The following RAB6B variants were observed in gnomAD, a reference collection of about 807,000 sequenced individuals.
RAB6B encodes the protein ras-related protein Rab-6B.
RAB6B carries 7 observed loss-of-function variants against 31.2 expected under a neutral mutation model. The observed-to-expected ratio is 0.22, with a 90% confidence interval of 0.13 to 0.42. RAB6B has a LOEUF of 0.42. Ranked by LOEUF, RAB6B falls within the 10% of genes least tolerant of loss-of-function variation. RAB6B has a pLI of 1.00. For synonymous variants in RAB6B, 105 were observed against 104.9 expected (o/e 1.00, Z -0.01); for missense variants, 149 against 280.6 (o/e 0.53, Z 3.35).
At chr3:133,890,608 C>G (rs546686828) in intron 1 of RAB6B, among the ~76,000 whole-genome samples, 5 of 152,186 alleles carry the variant, frequency 3.3e-5, no homozygotes, top group African/African-American at 1.2e-4. Flanking sequence ...CAGCAGGTGT[C>G]AGGAATTTGA....
intron 1 of RAB6B, among the ~76,000 whole-genome samples, chr3:133,888,868 C>A (rs1366114952): frequency 6.6e-6 from 1 of 152,080 alleles, no homozygotes; most frequent in Non-Finnish European, 1.5e-5. Flanking sequence ...GCTTCCAGTC[C>A]CCAGGCCCTG....
chr3:133,888,112 C>T lies in RAB6B; in HGVS notation c.70+7285G>A, dbSNP rs145987282. Among the ~76,000 whole-genome samples the T allele has an allele frequency of 1.4e-3, 209 of 152,344 alleles. 2 individuals carry two copies. Among genetic ancestry groups the T allele is most frequent in the Non-Finnish European group, 2.7e-3 (184 of 68,026 alleles). ...AGAAGACCTCAGTGTTCTTCTGTCT[C>T]CTCCGCTCCAGTCCTAGGCCAGAAG... is the stretch of plus-strand genomic sequence containing the variant. On this transcript the variant is annotated intron_variant, in intron 1 of 7. Coordinates refer to ENST00000285208, the MANE Select transcript of RAB6B (RefSeq NM_016577.4).
chr3:133,886,778 T>C (rs1391943667), intron 1 of RAB6B, among the ~76,000 whole-genome samples: 1 of 152,244 alleles, frequency 6.6e-6, no homozygotes, highest in Non-Finnish European at 1.5e-5. Context: ...AGATGGAGAT[T>C]GCTGTTACTA....
At position 133,858,400 on chromosome 3, in the gene RAB6B, A is replaced by G. The variant is rs192988446; in HGVS notation, c.129+6184T>C. 2.2e-3 allele frequency among the ~76,000 whole-genome samples: 339 copies of G among 152,322 alleles called. 4 individuals carry two copies. Among genetic ancestry groups the G allele is most frequent in the African/African-American group, 7.5e-3 (310 of 41,566 alleles). On this transcript the variant is annotated intron_variant, in intron 2 of 7. Coordinates refer to ENST00000285208, the MANE Select transcript of RAB6B (RefSeq NM_016577.4). ...ATTTGTTTCCTAGGCCTGCCATAAC[A>G]AAGTACCACAGACTGGATGGCTTCA...
At chr3:133,879,526 G>A (rs1936438864) in intron 1 of RAB6B, among the ~76,000 whole-genome samples, 1 of 152,188 alleles carries the variant, frequency 6.6e-6, no homozygotes, top group Non-Finnish European at 1.5e-5. Flanking sequence ...GTCTGCACAT[G>A]CACAGAGATG....
intron 2 of RAB6B, among the ~76,000 whole-genome samples, chr3:133,862,830 G>T: frequency 6.6e-6 from 1 of 152,186 alleles, no homozygotes; most frequent in East Asian, 1.9e-4. Context: ...CCTTGCCACT[G>T]CCAAGAACAC....
intron 1 of RAB6B, among the ~76,000 whole-genome samples, chr3:133,888,129 G>A (rs1293832883): frequency 6.6e-6 from 1 of 152,188 alleles, no homozygotes; most frequent in Non-Finnish European, 1.5e-5. Context: ...TCCAGTCCTA[G>A]GCCAGAAGCT....
At chr3:133,829,316 GAACAC>G (rs904739091) in intron 7 of RAB6B, among the ~76,000 whole-genome samples, 1 of 152,148 alleles carries the variant, frequency 6.6e-6, no homozygotes, top group Non-Finnish European at 1.5e-5. Context: ...GCTTTAGTCA[GAACAC>G]ATCACTTAGA....
intron 1 of RAB6B, among the ~76,000 whole-genome samples, chr3:133,886,742 G>A (rs753032569): frequency 1.9e-4 from 29 of 152,168 alleles, no homozygotes; most frequent in Non-Finnish European, 2.6e-4. Context: ...TCAAAATCTC[G>A]CACCCTACTT....
At chr3:133,870,212 C>T (rs1027965057) in intron 1 of RAB6B, among the ~76,000 whole-genome samples, 4 of 152,090 alleles carry the variant, frequency 2.6e-5, no homozygotes, top group Admixed American at 1.3e-4. Flanking sequence ...CACAAGGCAG[C>T]GGGACAGAGT....
chr3:133,859,587 T>C (rs1936130111), intron 2 of RAB6B, among the ~76,000 whole-genome samples: 1 of 152,198 alleles, frequency 6.6e-6, no homozygotes, highest in Admixed American at 6.5e-5. Context: ...TCTCTGTTTG[T>C]TAAGGTCATG....
At chr3:133,831,309 C>T (rs1935653417) in intron 7 of RAB6B, among the ~76,000 whole-genome samples, 1 of 152,192 alleles carries the variant, frequency 6.6e-6, no homozygotes, top group African/African-American at 2.4e-5. Context: ...TCTACTGATA[C>T]TTCTAGAACA....
intron 2 of RAB6B, among the ~76,000 whole-genome samples, chr3:133,847,641 A>C (rs1202668747): frequency 6.6e-6 from 1 of 151,928 alleles, no homozygotes; most frequent in Non-Finnish European, 1.5e-5. Flanking sequence ...CTTCAAACCC[A>C]CTGTATCCAT....
chr3:133,847,901 T>G (rs1935927686), intron 2 of RAB6B, among the ~76,000 whole-genome samples: 1 of 152,228 alleles, frequency 6.6e-6, no homozygotes, highest in Non-Finnish European at 1.5e-5. Context: ...TGTTCTCTTC[T>G]AGGATCTTCT....
At chr3:133,861,680 T>G (rs576529552) in intron 2 of RAB6B, among the ~76,000 whole-genome samples, 19 of 152,164 alleles carry the variant, frequency 1.2e-4, no homozygotes, top group African/African-American at 4.6e-4. Flanking sequence ...AAACATAGAG[T>G]AGGCATTTGA....
intron 5 of RAB6B, 24 bp downstream of exon 5, chr3:133,839,482 G>C (rs760929724): frequency 5.1e-6 from 8 of 1,573,512 alleles, no homozygotes; most frequent in Non-Finnish European, 7.0e-6. Context: ...GTGGCACCCT[G>C]CACCTGTGTG....
At position 133,895,558 on chromosome 3, in the gene RAB6B, G is replaced by A. The variant is rs894625020; in HGVS notation, c.-92C>T. ...GGAGGGCGAGGGGAGGCGGCCGGCG[G>A]TGCGGGAGCCGGAGGGGGAAGGGCT... On this transcript the variant is annotated 5_prime_UTR_variant, in exon 1 of 8. Coordinates refer to ENST00000285208, the MANE Select transcript of RAB6B (RefSeq NM_016577.4). The A allele has an allele frequency of 3.8e-4, 506 of 1,348,416 alleles. 2 individuals are homozygous for A. The highest frequency in any genetic ancestry group is 7.3e-4 in the Middle Eastern group (4 of 5,444). The allele number at this position is 1,348,416 out of a possible 1,614,324, so 83.5% of individuals were successfully genotyped here. A position where few individuals can be genotyped will look rare whatever the true frequency, so the allele number is the denominator to read the frequency against.
chr3:133,874,433 G>A (rs1466482447), intron 1 of RAB6B, among the ~76,000 whole-genome samples: 1 of 152,156 alleles, frequency 6.6e-6, no homozygotes, highest in Non-Finnish European at 1.5e-5. Context: ...AGTGGTATTT[G>A]TGTATCCAAA....
chr3:133,871,600 A>G (rs895231481), intron 1 of RAB6B, among the ~76,000 whole-genome samples: 1 of 152,198 alleles, frequency 6.6e-6, no homozygotes, highest in Non-Finnish European at 1.5e-5. Context: ...GTAAGTCCCC[A>G]GACTCCTCCA....
Sources: gnomAD v4.1 joint callset for allele counts (sites outside exome capture counted in the v4.1 genomes callset) on GRCh38, gnomAD v4.1.1 for gene constraint, MANE v1.5 for transcripts, NCBI Gene and HGNC (gene_info 2026-07-23, HGNC 2026-07-21) for gene names.